Variants in CHRNA3 observed in about 807,000 individuals in gnomAD.
The protein encoded by CHRNA3 is cholinergic receptor nicotinic alpha 3 subunit.
Under a neutral mutation model 41.9 loss-of-function variants are expected in CHRNA3, and 34 were observed. The observed-to-expected ratio is 0.81, with a 90% CI of 0.62 to 1.08. CHRNA3 has a LOEUF of 1.08. CHRNA3 is among the 50% of genes least tolerant of loss of function. The pLI is 0.00. For missense variants in CHRNA3, 542 were observed against 638.3 expected, an observed-to-expected ratio of 0.85 and a Z score of 1.63; for synonymous variants, 281 against 265.2, an observed-to-expected ratio of 1.06 and a Z score of -0.58.
intron 4 of CHRNA3, among the ~76,000 whole-genome samples, chr15:78,614,710 A>C (rs1238235059): frequency 4.6e-5 from 7 of 152,242 alleles, no homozygotes; most frequent in African/African-American, 1.7e-4. Context: ...AAATGTTTAA[A>C]TGTAAATGTA....
At chr15:78,593,066 A>G (rs936162811), downstream of CHRNA3, 3 of 1,595,002 alleles carry the variant, frequency 1.9e-6, no homozygotes, top group Non-Finnish European at 2.6e-6. Flanking sequence ...CAATTATTTA[A>G]TGCATTTTTA....
chr15:78,596,315 A>C lies in CHRNA3; in HGVS notation c.*289T>G, dbSNP rs1033982436. 1.9e-6 allele frequency: 2 copies of C among 1,030,248 alleles called. No homozygotes were observed. The highest frequency in any genetic ancestry group is 3.4e-5 in the African/African-American group (2 of 58,976). 63.8% of individuals were successfully genotyped at this position (1,030,248 alleles called of 1,614,324 possible). On this transcript the variant is annotated 3_prime_UTR_variant, in exon 6 of 6. Transcript: ENST00000326828. ...CAGTTTTGTTTCAACAACTAAAAGG[A>C]AACATTTTTACATGTATATTCCATA...
In CHRNA3 at chr15:78,599,110, G is replaced by C. The variant is rs530862835; in HGVS notation, c.1389+2143C>G. 3.3e-5 allele frequency among the ~76,000 whole-genome samples: 5 copies of C among 152,178 alleles called. No individual in the cohort carries two copies. In the East Asian group the frequency reaches 7.7e-4, roughly 24 times the overall value. ...CTGCCTCGGCCTCCCAAAGTGTTGG[G>C]ATTACAGGCGTGAGCCACTGCACCT... On this transcript the variant is annotated intron_variant, in intron 5 of 5. Coordinates refer to ENST00000326828, the MANE Select transcript of CHRNA3 (RefSeq NM_000743.5).
intron 5 of CHRNA3, among the ~76,000 whole-genome samples, chr15:78,599,191 T>C (rs893549985): frequency 6.6e-6 from 1 of 152,094 alleles, no homozygotes; most frequent in African/African-American, 2.4e-5. Flanking sequence ...TGGCCCAGGA[T>C]GGTTTTGAAC....
Position 78,618,653 on chromosome 15 carries a change from T to A in CHRNA3, c.231A>T (p.Val77=), listed in dbSNP as rs950411440. ...SMSQLVKVDE[V]NQIMETNLWL... ...ACAGGTTGGTCTCCATGATCTGGTT[T>A]ACTTCATCCTAGAAAGAGGAATTAA... Residue 77 remains valine (V), a synonymous_variant, in exon 3 of 6, where the codon GTA becomes GTT. Transcript: ENST00000326828. 6.2e-7 allele frequency: 1 copy of A among 1,614,054 alleles called. No homozygotes were observed. The highest frequency in any genetic ancestry group is 1.7e-5 in the Admixed American group (1 of 60,000).
intron 5 of CHRNA3, among the ~76,000 whole-genome samples, chr15:78,599,460 GC>G (rs1567073426): frequency 1.3e-5 from 2 of 151,830 alleles, no homozygotes; most frequent in Non-Finnish European, 2.9e-5. Flanking sequence ...AGGGGGAGGG[GC>G]TTGGTGGAGG....
chr15:78,602,186 C>T lies in CHRNA3; in HGVS notation c.456G>A (p.Pro152=), dbSNP rs76529122. Residue 152 remains proline (P), a synonymous_variant, in exon 5 of 6, where the codon CCG becomes CCA. Transcript: ENST00000326828. ...TTTTACAGGAGCTCTTAAAGATGGC[C>T]GGAGGTATCCAAGTCACCTCCCCAG... is the stretch of plus-strand genomic sequence containing the variant. The part of the protein sequence containing the change: ...KYTGEVTWIP[P]AIFKSSCKID... 104 of 1,614,038 alleles carry T rather than the reference C, an allele frequency of 6.4e-5. No individual in the cohort carries two copies. Among genetic ancestry groups the T allele is most frequent in the East Asian group, 3.6e-4 (16 of 44,876 alleles).
chr15:78,618,239 C>G (rs553347737), intron 3 of CHRNA3: 49 of 232,500 alleles, frequency 2.1e-4, no homozygotes, highest in Non-Finnish European at 3.9e-4. Context: ...AGAGCGAGAT[C>G]CCGTCTGGAA....
chr15:78,605,826 C>T (rs1490689726), intron 4 of CHRNA3, among the ~76,000 whole-genome samples: 2 of 151,974 alleles, frequency 1.3e-5, no homozygotes, highest in East Asian at 1.9e-4. Context: ...GGCAGCAGCT[C>T]GTGGAGATGC....
chr15:78,593,413 GTTGGCTGTATGACTGAAGTAA>G (rs1195602419), downstream of CHRNA3: 28 of 625,546 alleles, frequency 4.5e-5, no homozygotes, highest in Non-Finnish European at 6.2e-5. Flanking sequence ...CATTTGAACA[GTTGGCTGTATGACTGAAGTAA>G]TAACTGATGA....
At chr15:78,603,698 T>C (rs892637195) in intron 4 of CHRNA3, among the ~76,000 whole-genome samples, 7 of 152,082 alleles carry the variant, frequency 4.6e-5, no homozygotes, top group Non-Finnish European at 8.8e-5. Flanking sequence ...TAGTCTCTCC[T>C]GGGTCTCGGT....
chr15:78,620,580 G>A (rs1245849493), intron 1 of CHRNA3, 133 bp downstream of exon 1: 10 of 1,345,468 alleles, frequency 7.4e-6, no homozygotes, highest in Middle Eastern at 2.7e-4. Context: ...CAGTCTGCGC[G>A]GGTTCCGAGT....
At chr15:78,596,826 G>A (rs1018348580) in intron 5 of CHRNA3, 94 bp from the exon 6 acceptor site, 16 of 1,469,250 alleles carry the variant, frequency 1.1e-5, no homozygotes, top group Non-Finnish European at 1.4e-5. Flanking sequence ...CGTTGCAGTA[G>A]AAGCCATTTT....
At chr15:78,614,336 A>T (rs180977540) in intron 4 of CHRNA3, among the ~76,000 whole-genome samples, 5 of 152,342 alleles carry the variant, frequency 3.3e-5, no homozygotes, top group Admixed American at 6.5e-5. Flanking sequence ...TCCTACGACA[A>T]TTCAGTGCAA....
chr15:78,618,760 G>A lies in CHRNA3; in HGVS notation c.222+16C>T, dbSNP rs201012423. 3 of 1,614,050 alleles carry A rather than the reference G, an allele frequency of 1.9e-6. No individual in the cohort carries two copies. Among genetic ancestry groups the A allele is most frequent in the Non-Finnish European group, 2.5e-6 (3 of 1,180,014 alleles). Reference sequence around the variant, plus strand: ...CCCGGTCCCCATGGCCACGGCTCGTGGCTTCCAGCACTCACCACCTTCACC... The same window carrying A: ...CCCGGTCCCCATGGCCACGGCTCGTAGCTTCCAGCACTCACCACCTTCACC... On this transcript the variant is annotated intron_variant, in intron 2 of 5. Transcript: ENST00000326828.
chr15:78,598,029 T>C (rs1474880554), intron 5 of CHRNA3, among the ~76,000 whole-genome samples: 1 of 152,148 alleles, frequency 6.6e-6, no homozygotes, highest in African/African-American at 2.4e-5. Flanking sequence ...CACCTTGAGA[T>C]GTGAGATTCC....
chr15:78,602,315 C>T (rs1024245236), intron 4 of CHRNA3, 51 bp from the exon 5 acceptor site: 2 of 1,560,232 alleles, frequency 1.3e-6, no homozygotes, highest in South Asian at 2.4e-5. Context: ...AACACTTGGT[C>T]ATATTGTGGT....
intron 4 of CHRNA3, among the ~76,000 whole-genome samples, chr15:78,616,131 T>C (rs977553430): frequency 6.6e-6 from 1 of 151,312 alleles, no homozygotes; most frequent in Non-Finnish European, 1.5e-5. Flanking sequence ...GGCAGACAGA[T>C]TGCTTGAGGT....
intron 4 of CHRNA3, among the ~76,000 whole-genome samples, chr15:78,608,590 T>C (rs1207200707): frequency 6.6e-6 from 1 of 152,136 alleles, no homozygotes; most frequent in Non-Finnish European, 1.5e-5. Flanking sequence ...TACGTCACCA[T>C]CATCAAAGAC....
Sources: allele counts gnomAD v4.1 joint callset (sites outside exome capture counted in the v4.1 genomes callset), GRCh38; gene constraint gnomAD v4.1.1; transcripts MANE v1.5; gene names NCBI Gene and HGNC (gene_info 2026-07-23, HGNC 2026-07-21).